TMEM177: variants seen among roughly 807,000 people sequenced by gnomAD.
TMEM177 encodes transmembrane protein 177.
A neutral mutation model predicts 14.2 loss-of-function variants in TMEM177; 4 were observed. The observed-to-expected ratio is 0.28, with a 90% confidence interval of 0.14 to 0.64. The LOEUF (loss-of-function observed/expected upper bound fraction) is 0.64. Among genes scored for constraint, TMEM177 ranks in the 30% least tolerant of loss-of-function variants. The probability of loss-of-function intolerance (pLI) is 0.82; values close to 1 mark genes in which losing one functional copy is unlikely to be tolerated. For synonymous variants in TMEM177, 179 were observed against 174.5 expected, an observed-to-expected ratio of 1.03 and a Z score of -0.20; for missense variants, 344 against 405.2, an observed-to-expected ratio of 0.85 and a Z score of 1.30.
the TMEM177 span, among the ~76,000 whole-genome samples, chr2:119,692,109 A>G: frequency 6.6e-6 from 1 of 151,870 alleles, no homozygotes; most frequent in African/African-American, 2.4e-5. Flanking sequence ...CACTTCCTCT[A>G]CCTCCTAACA....
chr2:119,685,413 G>A (rs561134243), downstream of TMEM177, among the ~76,000 whole-genome samples: 6 of 151,910 alleles, frequency 3.9e-5, no homozygotes, highest in South Asian at 1.0e-3. Flanking sequence ...GCCTGGAGCT[G>A]GGCGCGCACA....
chr2:119,708,656 C>T, the TMEM177 span, among the ~76,000 whole-genome samples: 1 of 150,908 alleles, frequency 6.6e-6, no homozygotes, highest in Non-Finnish European at 1.5e-5. Flanking sequence ...CACACACACA[C>T]ACACACACAC....
chr2:119,680,605 C>T (rs1361140907), intron 1 of TMEM177, among the ~76,000 whole-genome samples: 2 of 152,170 alleles, frequency 1.3e-5, no homozygotes, highest in African/African-American at 4.8e-5. Context: ...TGCTCATCAC[C>T]GCCACCCTAG....
At chr2:119,686,592 C>T (rs1689019276), downstream of TMEM177, 2 of 152,156 alleles carry the variant, frequency 1.3e-5, no homozygotes. Context: ...TTTTCTTTTT[C>T]TTTCTCTCTC....
At chr2:119,688,751 CCTGCTTCTGGCCCTGCATT>C (rs1404935135), downstream of TMEM177, among the ~76,000 whole-genome samples, 1 of 152,148 alleles carries the variant, frequency 6.6e-6, no homozygotes, top group African/African-American at 2.4e-5. Flanking sequence ...TTCTGGCATC[CCTGCTTCTGGCCCTGCATT>C]CTTGGGGCAT....
At chr2:119,701,494 G>C in the TMEM177 span, among the ~76,000 whole-genome samples, 2 of 152,134 alleles carry the variant, frequency 1.3e-5, no homozygotes, top group African/African-American at 4.8e-5. Context: ...GGTCGGGGGA[G>C]CCCAGTTGGG....
chr2:119,712,103 C>T, the TMEM177 span, among the ~76,000 whole-genome samples: 6 of 151,910 alleles, frequency 3.9e-5, no homozygotes, highest in African/African-American at 1.2e-4. Context: ...TTGTCTGAGG[C>T]GTTGGCGTTA....
At chr2:119,714,471 C>A in the TMEM177 span, among the ~76,000 whole-genome samples, 1 of 152,212 alleles carries the variant, frequency 6.6e-6, no homozygotes, top group African/African-American at 2.4e-5. Flanking sequence ...GACATGAGCT[C>A]ATGAATCCTT....
the TMEM177 span, among the ~76,000 whole-genome samples, chr2:119,712,638 T>C: frequency 2.6e-5 from 4 of 152,066 alleles, no homozygotes; most frequent in Admixed American, 2.6e-4. Context: ...ACTTCCAACC[T>C]CCACAGCTGT....
the TMEM177 span, among the ~76,000 whole-genome samples, chr2:119,712,724 C>A: frequency 6.6e-6 from 1 of 152,186 alleles, no homozygotes; most frequent in Admixed American, 6.5e-5. Context: ...GAAAGTTGGT[C>A]TGCTTTTTAT....
chr2:119,697,065 G>A, the TMEM177 span, among the ~76,000 whole-genome samples: 1 of 152,228 alleles, frequency 6.6e-6, no homozygotes, highest in Non-Finnish European at 1.5e-5. Flanking sequence ...CTGCAGGCTG[G>A]TGCTGACAGT....
chr2:119,722,286 G>A, the TMEM177 span, among the ~76,000 whole-genome samples: 6 of 151,790 alleles, frequency 4.0e-5, no homozygotes, highest in African/African-American at 1.2e-4. Flanking sequence ...GAGGGGATAC[G>A]TGGACATATC....
At chr2:119,715,902 C>T in the TMEM177 span, among the ~76,000 whole-genome samples, 2 of 152,188 alleles carry the variant, frequency 1.3e-5, no homozygotes, top group Admixed American at 6.5e-5. Flanking sequence ...AGGTAGGCAA[C>T]CCCGCGTCAG....
chr2:119,681,363 C>A lies in TMEM177; in HGVS notation c.510C>A (p.Ala170=), dbSNP rs765505451. 1 of 1,613,994 alleles carries A rather than the reference C, an allele frequency of 6.2e-7. No individual in the cohort carries two copies. The highest frequency in any genetic ancestry group is 8.5e-7 in the Non-Finnish European group (1 of 1,179,876). ...AAAGCAGTACCACTGCCGTGCACGC[C>A]CTGCTGGCCCCAGCTTGCCTGGCAG... ...YLESSTTAVH[A]LLAPACLAGT... Residue 170 remains alanine, a synonymous_variant, in exon 2 of 2, where the codon GCC becomes GCA. Coordinates refer to ENST00000272521, the MANE Select transcript of TMEM177 (RefSeq NM_030577.3).
At chr2:119,722,328 G>A in the TMEM177 span, among the ~76,000 whole-genome samples, 1 of 151,162 alleles carries the variant, frequency 6.6e-6, no homozygotes, top group Non-Finnish European at 1.5e-5. Flanking sequence ...GCTGTAGTGA[G>A]CTATGATCGT....
the TMEM177 span, among the ~76,000 whole-genome samples, chr2:119,721,950 CAG>C: frequency 1.3e-5 from 2 of 152,292 alleles, 1 homozygote; most frequent in Admixed American, 1.3e-4. Context: ...AAACCAAGCA[CAG>C]GGGATTATTG....
the TMEM177 span, among the ~76,000 whole-genome samples, chr2:119,699,592 C>T: frequency 6.6e-6 from 1 of 152,190 alleles, no homozygotes; most frequent in Non-Finnish European, 1.5e-5. Context: ...CAGGCTCCTC[C>T]CCACTGCAAA....
At chr2:119,708,644 GACAC>G in the TMEM177 span, among the ~76,000 whole-genome samples, 900 of 146,836 alleles carry the variant, frequency 6.1e-3, 6 homozygotes, top group African/African-American at 0.011. Flanking sequence ...ATCACACGCA[GACAC>G]ACACACACAC....
the TMEM177 span, among the ~76,000 whole-genome samples, chr2:119,706,490 C>T: frequency 4.6e-5 from 7 of 152,142 alleles, no homozygotes; most frequent in African/African-American, 9.7e-5. Context: ...GAGTGGCTAG[C>T]GCTGGGCCAC....
Sources: allele counts gnomAD v4.1 joint callset (sites outside exome capture counted in the v4.1 genomes callset), GRCh38; gene constraint gnomAD v4.1.1; transcripts MANE v1.5; gene names NCBI Gene and HGNC (gene_info 2026-07-23, HGNC 2026-07-21).